ACYP2: variants seen among roughly 807,000 people sequenced by gnomAD.
The protein encoded by ACYP2 is acylphosphatase-2.
Under a neutral mutation model 11.2 loss-of-function variants are expected in ACYP2, and 12 were observed. The ratio of observed to expected loss-of-function variants is 1.08; its 90% confidence interval spans 0.69 to 1.74. The LOEUF (loss-of-function observed/expected upper bound fraction) is 1.74, where lower values mean the gene tolerates loss of function less well. Among genes scored for constraint, ACYP2 ranks in the 40% most tolerant of loss-of-function variants. The pLI is 0.00. For synonymous variants in ACYP2, 43 were observed against 32.2 expected, an observed-to-expected ratio of 1.33 and a Z score of -1.13; for missense variants, 134 against 101.9, an observed-to-expected ratio of 1.31 and a Z score of -1.35.
chr2:54,100,479 G>T (rs80254839), intron 4 of ACYP2, among the ~76,000 whole-genome samples: 3,964 of 151,270 alleles, frequency 0.026, 60 homozygotes, highest in Non-Finnish European at 0.04. Flanking sequence ...ATTAAAAAAA[G>T]ATTTTTTTTT....
chr2:54,279,110 A>C (rs1395924969), intron 6 of ACYP2, among the ~76,000 whole-genome samples: 1 of 152,256 alleles, frequency 6.6e-6, no homozygotes, highest in Non-Finnish European at 1.5e-5. Flanking sequence ...TTAAAAACTA[A>C]TATGAAGTAT....
chr2:54,269,892 ATAATAATAATTC>A (rs1324592671), intron 6 of ACYP2, among the ~76,000 whole-genome samples: 1 of 152,168 alleles, frequency 6.6e-6, no homozygotes, highest in Non-Finnish European at 1.5e-5. Flanking sequence ...TCCAGTTTCC[ATAATAATAATTC>A]TAATGACTAT....
At chr2:54,158,262 G>A (rs1046934867) in intron 6 of ACYP2, among the ~76,000 whole-genome samples, 1 of 149,468 alleles carries the variant, frequency 6.7e-6, no homozygotes, top group Admixed American at 6.7e-5. Context: ...GCCTGGTCAC[G>A]AATTCCTGAC....
chr2:54,294,042 T>A (rs1238616704), intron 6 of ACYP2, among the ~76,000 whole-genome samples: 1 of 152,208 alleles, frequency 6.6e-6, no homozygotes, highest in African/African-American at 2.4e-5. Context: ...TAATTCATTA[T>A]CTGTCTTTAT....
intron 2 of ACYP2, among the ~76,000 whole-genome samples, chr2:53,989,420 C>T (rs560349352): frequency 9.3e-5 from 14 of 150,838 alleles, no homozygotes; most frequent in Admixed American, 8.7e-4. Context: ...ATTAGTAAAA[C>T]AAAGAATATA....
At chr2:54,282,435 G>C (rs1449546714) in intron 6 of ACYP2, among the ~76,000 whole-genome samples, 1 of 152,136 alleles carries the variant, frequency 6.6e-6, no homozygotes, top group Non-Finnish European at 1.5e-5. Flanking sequence ...CTAAGCAGAT[G>C]GCCCTTGTGG....
rs371260672 is a variant in ACYP2, at chr2:54,047,714, G to A, written c.63-3244G>A. 3.3e-5 allele frequency among the ~76,000 whole-genome samples: 5 copies of A among 152,170 alleles called. No homozygotes were observed. The East Asian group carries it at 9.6e-4, about 29-fold the overall frequency. ...CTATAATTAAAAGTAGTCTTTGTCA[G>A]TACTTGTTCTTTCAAAATTATTTCT... is the stretch of plus-strand genomic sequence containing the variant. On this transcript the variant is annotated intron_variant, in intron 2 of 6. Coordinates refer to ENST00000607452, the MANE Select transcript of ACYP2 (RefSeq NM_001320586.2).
At chr2:54,160,315 G>A (rs541054625) in intron 6 of ACYP2, among the ~76,000 whole-genome samples, 1 of 152,302 alleles carries the variant, frequency 6.6e-6, no homozygotes, top group South Asian at 2.1e-4. Flanking sequence ...TATCTGGAAA[G>A]CAAACTCTTT....
At chr2:54,199,527 G>A (rs1292711499) in intron 6 of ACYP2, among the ~76,000 whole-genome samples, 1 of 152,184 alleles carries the variant, frequency 6.6e-6, no homozygotes, top group Non-Finnish European at 1.5e-5. Context: ...ATAGAGACTT[G>A]GCTGGTACAA....
In ACYP2 at chr2:54,286,702, T is replaced by C. The variant is rs192696777; in HGVS notation, c.405-17986T>C. On this transcript the variant is annotated intron_variant, in intron 6 of 6. Coordinates refer to ENST00000607452, the MANE Select transcript of ACYP2 (RefSeq NM_001320586.2). ...ATTTTCTCAGGTTTTAAATGAATTC[T>C]AATAAAAATCTTTATGCTGTTTTGA... Among the ~76,000 whole-genome samples, 24 of 152,208 alleles carry C rather than the reference T, an allele frequency of 1.6e-4. 1 individual carries two copies. Among genetic ancestry groups the C allele is most frequent in the African/African-American group, 5.1e-4 (21 of 41,424 alleles).
chr2:54,131,554 GA>G (rs1310456103), intron 4 of ACYP2, among the ~76,000 whole-genome samples: 2 of 152,144 alleles, frequency 1.3e-5, no homozygotes, highest in African/African-American at 4.8e-5. Flanking sequence ...TGCAGGAGGG[GA>G]GAGTTGCCTT....
intron 2 of ACYP2, among the ~76,000 whole-genome samples, chr2:54,002,029 G>C (rs369587670): frequency 1.3e-5 from 2 of 152,172 alleles, no homozygotes; most frequent in African/African-American, 4.8e-5. Context: ...AAAGTCCATA[G>C]TTTACATTAG....
intron 6 of ACYP2, among the ~76,000 whole-genome samples, chr2:54,201,610 T>TTTC (rs1491469360): frequency 0.018 from 1,533 of 84,820 alleles, 38 homozygotes; most frequent in East Asian, 0.049. Context: ...CTTTCTTTCT[T>TTTC]TCTTTCTTTC....
At chr2:53,996,489 C>T (rs897145290) in intron 2 of ACYP2, among the ~76,000 whole-genome samples, 9 of 152,044 alleles carry the variant, frequency 5.9e-5, no homozygotes, top group African/African-American at 2.2e-4. Flanking sequence ...AAAGTCTCAG[C>T]CTACTTAATG....
At chr2:54,134,872 T>C (rs1322438749) in intron 4 of ACYP2, among the ~76,000 whole-genome samples, 4 of 152,212 alleles carry the variant, frequency 2.6e-5, no homozygotes, top group Non-Finnish European at 4.4e-5. Flanking sequence ...CTTTTACAAT[T>C]TGAGGTATAA....
chr2:54,125,233 A>G (rs1456497216), intron 4 of ACYP2, among the ~76,000 whole-genome samples: 2 of 151,808 alleles, frequency 1.3e-5, no homozygotes, highest in African/African-American at 4.9e-5. Context: ...CAATTTGACC[A>G]TTTATTTTTA....
In ACYP2 at chr2:54,304,856, CTA is replaced by C. The variant is rs1464604338; in HGVS notation, c.*56_*57del. On this transcript the variant is annotated 3_prime_UTR_variant, in exon 7 of 7. Coordinates refer to ENST00000607452, the MANE Select transcript of ACYP2 (RefSeq NM_001320586.2). The stretch of plus-strand genomic sequence containing the variant: ...CAATAGATACTGTATGTTCTTAAGA[CTA>C]TGTATACTAGAATAATAGTAGCAGA... 1.0e-5 allele frequency: 10 copies of C among 985,726 alleles called. No homozygotes were observed. The highest frequency in any genetic ancestry group is 7.9e-5 in the South Asian group (5 of 63,300). 61.1% of individuals were successfully genotyped at this position (985,726 alleles called of 1,614,324 possible). A position where few individuals can be genotyped will look rare whatever the true frequency, so the allele number is the denominator to read the frequency against.
intron 4 of ACYP2, among the ~76,000 whole-genome samples, chr2:54,109,997 T>C (rs1168239616): frequency 1.3e-5 from 2 of 152,208 alleles, no homozygotes; most frequent in African/African-American, 4.8e-5. Flanking sequence ...TCATCAGGTC[T>C]CCTTAGGCTC....
intron 2 of ACYP2, among the ~76,000 whole-genome samples, chr2:54,001,226 C>G (rs1162115515): frequency 6.6e-6 from 1 of 152,044 alleles, no homozygotes; most frequent in East Asian, 1.9e-4. Context: ...CATGGTGGCA[C>G]ACACTACCAT....
Sources: allele counts gnomAD v4.1 joint callset (sites outside exome capture counted in the v4.1 genomes callset), GRCh38; gene constraint gnomAD v4.1.1; transcripts MANE v1.5; gene names NCBI Gene and HGNC (gene_info 2026-07-23, HGNC 2026-07-21).